The following TRMT9B variants were observed in gnomAD, a reference collection of about 807,000 sequenced individuals.
TRMT9B encodes probable tRNA methyltransferase 9B.
Under a neutral mutation model 11.5 loss-of-function variants are expected in TRMT9B, and 16 were observed. The observed-to-expected ratio is 1.39, with a 90% confidence interval of 0.94 to 2.11. The LOEUF (loss-of-function observed/expected upper bound fraction) is 2.11. Ranked by LOEUF, TRMT9B falls within the 30% of genes most tolerant of loss-of-function variation. TRMT9B has a pLI of 0.00. For synonymous variants in TRMT9B, 274 were observed against 192.4 expected, an observed-to-expected ratio of 1.42 and a Z score of -3.51; for missense variants, 941 against 553.8, an observed-to-expected ratio of 1.70 and a Z score of -7.02.
At chr8:13,014,718 T>C (rs1408543206) in intron 4 of TRMT9B, among the ~76,000 whole-genome samples, 3 of 152,092 alleles carry the variant, frequency 2.0e-5, no homozygotes, top group Admixed American at 6.6e-5. Flanking sequence ...GAATCTTTAG[T>C]GGAAAAAGGT....
chr8:12,960,545 T>A (rs1258038049), intron 1 of TRMT9B: 1 of 152,180 alleles, frequency 6.6e-6, no homozygotes, highest in Non-Finnish European at 1.5e-5. Context: ...TGCCAAAAAC[T>A]GGAAGCAACC....
At chr8:13,016,580 C>T (rs1812754757) in intron 4 of TRMT9B, among the ~76,000 whole-genome samples, 1 of 151,596 alleles carries the variant, frequency 6.6e-6, no homozygotes, top group Non-Finnish European at 1.5e-5. Context: ...GTGAGCTTAG[C>T]ATCATACCTG....
chr8:12,987,298 CG>C (rs1806488460), intron 1 of TRMT9B, among the ~76,000 whole-genome samples: 1 of 152,308 alleles, frequency 6.6e-6, no homozygotes, highest in Non-Finnish European at 1.5e-5. Context: ...GCTTACAACA[CG>C]GCCTGGCCCA....
At position 13,024,230 on chromosome 8, in the gene TRMT9B, A is replaced by T. The variant is rs1814406575; in HGVS notation, c.*2186A>T. Reference sequence around the variant, plus strand: ...GGCTGTTTTTTTGTATTTTTAGGAGAGACGGGGTTTCACCGTGTTAGCCAG... The same window carrying T: ...GGCTGTTTTTTTGTATTTTTAGGAGTGACGGGGTTTCACCGTGTTAGCCAG... On this transcript the variant is annotated 3_prime_UTR_variant, in exon 5 of 5. Coordinates refer to ENST00000524591, the MANE Select transcript of TRMT9B (RefSeq NM_020844.3). 6.5e-6 allele frequency: 1 copy of T among 153,684 alleles called. No individual in the cohort carries two copies. Among genetic ancestry groups the T allele is most frequent in the Non-Finnish European group, 1.5e-5 (1 of 68,028 alleles). The allele number at this position is 153,684 out of a possible 1,614,324, so 9.5% of individuals were successfully genotyped here. A position where few individuals can be genotyped will look rare whatever the true frequency, so the allele number is the denominator to read the frequency against.
intron 1 of TRMT9B, among the ~76,000 whole-genome samples, chr8:12,972,701 G>T (rs1185185985): frequency 1.3e-5 from 2 of 152,102 alleles, no homozygotes; most frequent in South Asian, 2.1e-4. Flanking sequence ...AGAGACAATG[G>T]CTTGATAACA....
intron 3 of TRMT9B, chr8:13,010,557 T>C: frequency 2.0e-6 from 2 of 985,192 alleles, no homozygotes; most frequent in Non-Finnish European, 2.4e-6. Flanking sequence ...CCATTAGAAA[T>C]GAATAGGGGC....
chr8:13,014,019 G>C (rs1245553979), intron 4 of TRMT9B, among the ~76,000 whole-genome samples: 2 of 152,118 alleles, frequency 1.3e-5, no homozygotes, highest in African/African-American at 4.8e-5. Context: ...TTTATAAAAT[G>C]GAGTTATTCA....
chr8:13,020,533 C>G (rs556013523), intron 4 of TRMT9B, among the ~76,000 whole-genome samples: 1 of 152,168 alleles, frequency 6.6e-6, no homozygotes, highest in East Asian at 1.9e-4. Flanking sequence ...CAATCTTTAA[C>G]ATATTTCTGT....
chr8:12,954,082 A>C (rs1265640748), intron 1 of TRMT9B, among the ~76,000 whole-genome samples: 1 of 152,150 alleles, frequency 6.6e-6, no homozygotes, highest in Non-Finnish European at 1.5e-5. Flanking sequence ...TACTTACCAG[A>C]GTGATGTGAA....
intron 1 of TRMT9B, among the ~76,000 whole-genome samples, chr8:12,961,477 G>A (rs941803774): frequency 1.3e-5 from 2 of 152,034 alleles, no homozygotes; most frequent in African/African-American, 2.4e-5. Flanking sequence ...CGAGGTGGGC[G>A]GATCACGAGG....
At chr8:12,957,818 C>G (rs2128860350) in intron 1 of TRMT9B, among the ~76,000 whole-genome samples, 1 of 152,248 alleles carries the variant, frequency 6.6e-6, no homozygotes, top group Middle Eastern at 3.4e-3. Context: ...ACTATTTTAA[C>G]TGTTTTTTGA....
At chr8:13,004,172 G>T (rs79276641) in intron 2 of TRMT9B, among the ~76,000 whole-genome samples, 1 of 151,932 alleles carries the variant, frequency 6.6e-6, no homozygotes, top group Non-Finnish European at 1.5e-5. Flanking sequence ...GTTCCGGCAG[G>T]CCTCACCACT....
intron 4 of TRMT9B, among the ~76,000 whole-genome samples, chr8:13,019,753 C>G (rs966462354): frequency 6.6e-6 from 1 of 152,204 alleles, no homozygotes; most frequent in East Asian, 1.9e-4. Flanking sequence ...AAGGACTCTT[C>G]TTTTCGGGAG....
intron 1 of TRMT9B, among the ~76,000 whole-genome samples, chr8:12,979,677 A>AC (rs1361136678): frequency 6.6e-6 from 1 of 152,130 alleles, no homozygotes; most frequent in Non-Finnish European, 1.5e-5. Context: ...CTGCTACCGT[A>AC]CACCATTGGT....
rs1419789159 is a variant in TRMT9B at position 13,022,372 on chromosome 8, T to A, written c.*328T>A. The A allele has an allele frequency of 9.5e-6, 2 of 210,520 alleles. No homozygotes were observed. The highest frequency in any genetic ancestry group is 4.7e-5 in the African/African-American group (2 of 42,994). 13.0% of individuals were successfully genotyped at this position (210,520 alleles called of 1,614,324 possible). A position where few individuals can be genotyped will look rare whatever the true frequency, so the allele number is the denominator to read the frequency against. ...TATAGTGTTTTTCAGTATTACACAT[T>A]GATTTAAAAAGATTATGCTGTTAAA... On this transcript the variant is annotated 3_prime_UTR_variant, in exon 5 of 5. Transcript: ENST00000524591.
intron 1 of TRMT9B, chr8:12,958,674 A>G (rs1801629369): frequency 6.6e-6 from 1 of 152,638 alleles, no homozygotes; most frequent in South Asian, 2.1e-4. Flanking sequence ...AACAAAGTGA[A>G]TGATGGCCTT....
At position 13,021,914 on chromosome 8, in the gene TRMT9B, A is replaced by T. The variant is rs1440729687; in HGVS notation, c.1235A>T (p.Tyr412Phe). The T allele has an allele frequency of 3.1e-6, 5 of 1,613,772 alleles. No homozygotes were observed. Among genetic ancestry groups the T allele is most frequent in the Non-Finnish European group, 4.2e-6 (5 of 1,179,874 alleles). ...VLDSTAFMRY[Y>F]HVFREGELCS... is the part of the protein sequence containing the mutation. The stretch of plus-strand genomic sequence containing the variant: ...GACTCCACAGCCTTTATGCGCTACT[A>T]CCATGTGTTTCGAGAAGGGGAGCTC... Residue 412 changes from tyrosine (Y) to phenylalanine (F), a missense_variant, in exon 5 of 5, where the codon TAC becomes TTC. Transcript: ENST00000524591.
intron 1 of TRMT9B, among the ~76,000 whole-genome samples, chr8:12,947,700 C>A (rs190872603): frequency 6.6e-6 from 1 of 152,212 alleles, no homozygotes; most frequent in Non-Finnish European, 1.5e-5. Context: ...AAAGAACTTA[C>A]GTGAATTCCT....
chr8:13,018,535 C>A (rs1474458656), intron 4 of TRMT9B, among the ~76,000 whole-genome samples: 2 of 151,810 alleles, frequency 1.3e-5, no homozygotes, highest in Non-Finnish European at 2.9e-5. Context: ...TCTTATACCA[C>A]CCCCCAAAAA....
Sources: gnomAD v4.1 joint callset for allele counts (sites outside exome capture counted in the v4.1 genomes callset) on GRCh38, gnomAD v4.1.1 for gene constraint, MANE v1.5 for transcripts, NCBI Gene and HGNC (gene_info 2026-07-23, HGNC 2026-07-21) for gene names.